The following NTM variants were observed in gnomAD, a reference collection of about 807,000 sequenced individuals.
NTM encodes the protein IgLON family member 2.
In NTM, 13 loss-of-function variants were observed where a neutral mutation model predicts 42.1. That is an observed-to-expected ratio of 0.31 (90% CI 0.20 to 0.49). The LOEUF is 0.49. Ranked by LOEUF, NTM falls within the 20% of genes least tolerant of loss-of-function variation. The pLI is 0.99. For missense variants in NTM, 373 were observed against 452.8 expected (o/e 0.82, Z 1.60); for synonymous variants, 187 against 179.2 (o/e 1.04, Z -0.35).
At chr11:131,378,288 A>G (rs1413312220) in intron 1 of NTM, among the ~76,000 whole-genome samples, 4 of 152,212 alleles carry the variant, frequency 2.6e-5, no homozygotes, top group African/African-American at 9.6e-5. Flanking sequence ...CTCACTCTAA[A>G]ATAAAACACT....
chr11:132,001,218 C>T (rs765827843), intron 2 of NTM, among the ~76,000 whole-genome samples: 4 of 152,136 alleles, frequency 2.6e-5, no homozygotes, highest in Non-Finnish European at 4.4e-5. Context: ...ATACTGAATG[C>T]CTGCTGTGTA....
intron 1 of NTM, among the ~76,000 whole-genome samples, chr11:131,841,282 A>G (rs1172304245): frequency 6.6e-6 from 1 of 152,212 alleles, no homozygotes; most frequent in Non-Finnish European, 1.5e-5. Flanking sequence ...AAATATAGTG[A>G]CACAGCAAGA....
At chr11:132,290,240 T>C (rs2094410206) in intron 4 of NTM, among the ~76,000 whole-genome samples, 1 of 152,112 alleles carries the variant, frequency 6.6e-6, no homozygotes, top group African/African-American at 2.4e-5. Context: ...GCAGTAAGAC[T>C]GACTAAAAGA....
chr11:132,228,149 A>T (rs1371011544), intron 4 of NTM, among the ~76,000 whole-genome samples: 1 of 152,196 alleles, frequency 6.6e-6, no homozygotes, highest in African/African-American at 2.4e-5. Flanking sequence ...GTGCAGGGGC[A>T]ACCCAACGCC....
intron 2 of NTM, among the ~76,000 whole-genome samples, chr11:131,948,089 C>T (rs1331326110): frequency 6.6e-6 from 1 of 152,062 alleles, no homozygotes; most frequent in Admixed American, 6.6e-5. Context: ...TGGCCGGGTG[C>T]AGTGGCTCAC....
At chr11:132,019,872 T>C (rs1364854907) in intron 2 of NTM, among the ~76,000 whole-genome samples, 17 of 151,684 alleles carry the variant, frequency 1.1e-4, no homozygotes, top group Non-Finnish European at 1.5e-5. Flanking sequence ...TTTCAGGGGG[T>C]ACATGTGCAG....
intron 3 of NTM, among the ~76,000 whole-genome samples, chr11:132,197,323 T>C (rs1314265052): frequency 6.6e-6 from 1 of 152,070 alleles, no homozygotes; most frequent in Non-Finnish European, 1.5e-5. Flanking sequence ...TACACAGAGA[T>C]TGGGGAAAAT....
At chr11:131,671,339 C>T (rs1375847651) in intron 1 of NTM, 1 of 777,798 alleles carries the variant, frequency 1.3e-6, no homozygotes, top group East Asian at 1.3e-4. Flanking sequence ...CCGCCCAACC[C>T]CATCACTGCA....
chr11:132,262,029 A>C (rs1350011062), intron 4 of NTM, among the ~76,000 whole-genome samples: 1 of 152,332 alleles, frequency 6.6e-6, no homozygotes, highest in East Asian at 1.9e-4. Flanking sequence ...CATCCCAGCC[A>C]AGTGCAATGA....
At chr11:131,557,408 C>A (rs868534344) in intron 1 of NTM, among the ~76,000 whole-genome samples, 1 of 152,122 alleles carries the variant, frequency 6.6e-6, no homozygotes, top group Non-Finnish European at 1.5e-5. Flanking sequence ...AAAGTAGAGA[C>A]GTGGACAAGA....
chr11:132,119,982 A>G (rs2064503654), intron 2 of NTM, among the ~76,000 whole-genome samples: 1 of 152,188 alleles, frequency 6.6e-6, no homozygotes, highest in Admixed American at 6.5e-5. Flanking sequence ...CCCCCATCAG[A>G]GCTAGAGAGA....
chr11:131,943,120 T>A (rs1028657022), intron 2 of NTM, among the ~76,000 whole-genome samples: 1 of 152,192 alleles, frequency 6.6e-6, no homozygotes, highest in Non-Finnish European at 1.5e-5. Flanking sequence ...TGTGGCCTTC[T>A]GGCCTCTTCT....
chr11:131,411,597 G>T (rs1329628629), intron 1 of NTM, among the ~76,000 whole-genome samples: 1 of 150,184 alleles, frequency 6.7e-6, no homozygotes, highest in Non-Finnish European at 1.5e-5. Flanking sequence ...GTACTTGAGA[G>T]CTGGGGAAGC....
At chr11:131,922,888 A>G (rs932461577) in intron 2 of NTM, among the ~76,000 whole-genome samples, 31 of 152,140 alleles carry the variant, frequency 2.0e-4, no homozygotes, top group African/African-American at 7.2e-4. Context: ...ACCACTGCCC[A>G]CGTCGCTGCT....
intron 1 of NTM, among the ~76,000 whole-genome samples, chr11:131,452,723 C>T (rs374160512): frequency 1.3e-5 from 2 of 152,150 alleles, no homozygotes; most frequent in East Asian, 3.9e-4. Flanking sequence ...GGTATGAGCC[C>T]AGCTTCTCTG....
chr11:132,187,636 G>C (rs2078643845), intron 3 of NTM, among the ~76,000 whole-genome samples: 1 of 152,176 alleles, frequency 6.6e-6, no homozygotes, highest in African/African-American at 2.4e-5. Context: ...CAGTGAGATG[G>C]AGCTGAGCAG....
At chr11:131,528,280 G>A (rs1591946642) in intron 1 of NTM, among the ~76,000 whole-genome samples, 1 of 152,128 alleles carries the variant, frequency 6.6e-6, no homozygotes, top group East Asian at 1.9e-4. Flanking sequence ...CTGAGGATTG[G>A]CACTGTGTTT....
At chr11:131,856,409 C>T (rs1357373726) in intron 1 of NTM, among the ~76,000 whole-genome samples, 3 of 152,118 alleles carry the variant, frequency 2.0e-5, no homozygotes, top group African/African-American at 7.2e-5. Context: ...CCCCGTAACA[C>T]CATTTTCAAG....
intron 1 of NTM, among the ~76,000 whole-genome samples, chr11:131,905,605 G>A (rs2053753130): frequency 6.6e-6 from 1 of 152,028 alleles, no homozygotes. Flanking sequence ...CAGGCACGAT[G>A]AGAATCTCCC....
Sources: allele counts gnomAD v4.1 joint callset (sites outside exome capture counted in the v4.1 genomes callset), GRCh38; gene constraint gnomAD v4.1.1; transcripts MANE v1.5; gene names NCBI Gene and HGNC (gene_info 2026-07-23, HGNC 2026-07-21).